PPM1E: variants seen among roughly 807,000 people sequenced by gnomAD.
PPM1E encodes the protein protein phosphatase 1E.
PPM1E carries 20 observed loss-of-function variants against 65.9 expected under a neutral mutation model. The observed-to-expected ratio is 0.30, with a 90% CI of 0.21 to 0.44. PPM1E has a LOEUF of 0.44. PPM1E is among the 20% of genes least tolerant of loss of function. PPM1E has a pLI of 1.00. For synonymous variants in PPM1E, 352 were observed against 374.9 expected (o/e 0.94, Z 0.70); for missense variants, 713 against 953.1 (o/e 0.75, Z 3.32).
chr17:58,824,020 G>A lies in PPM1E; in HGVS notation c.464+67559G>A, dbSNP rs940365114. 5.3e-5 allele frequency among the ~76,000 whole-genome samples: 8 copies of A among 152,044 alleles called. No individual in the cohort carries two copies. The South Asian group carries it at 8.3e-4, about 16-fold the overall frequency. ...GCTGGAATTACAGGTGTGAGGCACC[G>A]TGCCCGGCCTGCAAAATTTAAATTT... On this transcript the variant is annotated intron_variant, in intron 1 of 6. Coordinates refer to ENST00000308249, the MANE Select transcript of PPM1E (RefSeq NM_014906.5).
At chr17:58,950,642 C>T (rs1187001484) in intron 1 of PPM1E, among the ~76,000 whole-genome samples, 1 of 151,442 alleles carries the variant, frequency 6.6e-6, no homozygotes, top group Non-Finnish European at 1.5e-5. Context: ...TTTTTTCTGC[C>T]TGAGTTTTTT....
intron 1 of PPM1E, among the ~76,000 whole-genome samples, chr17:58,757,368 C>T (rs1195507772): frequency 6.6e-6 from 1 of 152,172 alleles, no homozygotes; most frequent in Non-Finnish European, 1.5e-5. Context: ...CCTTTCATCC[C>T]AGTTCTGGTT....
chr17:58,787,710 A>T (rs1486978064), intron 1 of PPM1E, among the ~76,000 whole-genome samples: 3 of 152,022 alleles, frequency 2.0e-5, no homozygotes, highest in African/African-American at 7.2e-5. Flanking sequence ...AGATGAGACC[A>T]TCCTGGCTAA....
intron 1 of PPM1E, among the ~76,000 whole-genome samples, chr17:58,866,871 A>T (rs2051010140): frequency 6.6e-6 from 1 of 152,266 alleles, no homozygotes; most frequent in Non-Finnish European, 1.5e-5. Flanking sequence ...CAGGACCACT[A>T]GAAGTCTCCT....
At chr17:58,772,310 G>A (rs1271392124) in intron 1 of PPM1E, among the ~76,000 whole-genome samples, 1 of 152,042 alleles carries the variant, frequency 6.6e-6, no homozygotes, top group Non-Finnish European at 1.5e-5. Flanking sequence ...ACAAAAATTA[G>A]CCAGGTGTGG....
chr17:58,841,610 C>A (rs2050718785), intron 1 of PPM1E, among the ~76,000 whole-genome samples: 1 of 151,504 alleles, frequency 6.6e-6, no homozygotes, highest in Non-Finnish European at 1.5e-5. Context: ...ACTGCAGCCT[C>A]CACCTCCCAG....
At chr17:58,930,683 T>C (rs2051882801) in intron 1 of PPM1E, among the ~76,000 whole-genome samples, 1 of 151,756 alleles carries the variant, frequency 6.6e-6, no homozygotes, top group African/African-American at 2.4e-5. Flanking sequence ...AGTGAAATAA[T>C]GGACATATTG....
intron 1 of PPM1E, chr17:58,836,060 T>C (rs1004643808): frequency 6.6e-6 from 1 of 152,122 alleles, no homozygotes; most frequent in Non-Finnish European, 1.5e-5. Context: ...ACAAAATTGG[T>C]AAACAGTAGA....
chr17:58,870,114 T>TGGA (rs951162856), intron 1 of PPM1E, among the ~76,000 whole-genome samples: 2 of 151,860 alleles, frequency 1.3e-5, no homozygotes, highest in African/African-American at 2.4e-5. Context: ...GTACAGCATC[T>TGGA]GGAGGAGGAG....
At chr17:58,945,613 C>T (rs1383982142) in intron 1 of PPM1E, among the ~76,000 whole-genome samples, 1 of 152,202 alleles carries the variant, frequency 6.6e-6, no homozygotes, top group African/African-American at 2.4e-5. Context: ...GATGCCCCAC[C>T]TCAGATGCCA....
At chr17:58,764,499 G>A (rs1389486297) in intron 1 of PPM1E, among the ~76,000 whole-genome samples, 1 of 152,056 alleles carries the variant, frequency 6.6e-6, no homozygotes, top group East Asian at 1.9e-4. Flanking sequence ...GCAGTGGCGT[G>A]AACACACCTC....
At chr17:58,912,768 C>T (rs2051642266) in intron 1 of PPM1E, among the ~76,000 whole-genome samples, 1 of 152,168 alleles carries the variant, frequency 6.6e-6, no homozygotes, top group Non-Finnish European at 1.5e-5. Context: ...TTGAAACTTT[C>T]AGTCATACTT....
chr17:58,944,984 C>T (rs941716225), intron 1 of PPM1E, among the ~76,000 whole-genome samples: 1 of 152,116 alleles, frequency 6.6e-6, no homozygotes, highest in East Asian at 1.9e-4. Context: ...GTTGCCAACA[C>T]CTGTTATTAC....
At chr17:58,856,018 C>G (rs1183921583) in intron 1 of PPM1E, among the ~76,000 whole-genome samples, 1 of 152,092 alleles carries the variant, frequency 6.6e-6, no homozygotes, top group East Asian at 1.9e-4. Flanking sequence ...AATAAGTTTA[C>G]TTAATATGGT....
At chr17:58,877,781 A>G (rs1371733140) in intron 1 of PPM1E, among the ~76,000 whole-genome samples, 1 of 152,178 alleles carries the variant, frequency 6.6e-6, no homozygotes, top group Non-Finnish European at 1.5e-5. Context: ...AACTATTTCT[A>G]ATTTTTTGTC....
intron 1 of PPM1E, among the ~76,000 whole-genome samples, chr17:58,934,512 A>G (rs2051950102): frequency 6.6e-6 from 1 of 152,232 alleles, no homozygotes. Flanking sequence ...TAGTTTACCC[A>G]TTCAGCAAAT....
intron 1 of PPM1E, among the ~76,000 whole-genome samples, chr17:58,828,491 T>C (rs1230222097): frequency 2.6e-5 from 4 of 152,082 alleles, no homozygotes; most frequent in Non-Finnish European, 4.4e-5. Context: ...TAAGATGGAG[T>C]TTCACTCTTG....
At chr17:58,831,524 G>A (rs1389636504) in intron 1 of PPM1E, among the ~76,000 whole-genome samples, 1 of 152,212 alleles carries the variant, frequency 6.6e-6, no homozygotes, top group East Asian at 1.9e-4. Flanking sequence ...TGAGGGAGGT[G>A]CACTTGTTTG....
At chr17:58,931,663 A>G (rs11079367) in intron 1 of PPM1E, among the ~76,000 whole-genome samples, 57,440 of 152,010 alleles carry the variant, frequency 0.38, 11,084 homozygotes, top group Middle Eastern at 0.51. Flanking sequence ...TCCTCAGTAT[A>G]TTTCAGTGCC....
Sources: allele counts gnomAD v4.1 joint callset (sites outside exome capture counted in the v4.1 genomes callset), GRCh38; gene constraint gnomAD v4.1.1; transcripts MANE v1.5; gene names NCBI Gene and HGNC (gene_info 2026-07-23, HGNC 2026-07-21).